The following SURF2 variants were observed in gnomAD, a reference collection of about 807,000 sequenced individuals.
The protein encoded by SURF2 is surfeit locus protein 2.
Under a neutral mutation model 26.2 loss-of-function variants are expected in SURF2, and 32 were observed. That is an observed-to-expected ratio of 1.22 (90% CI 0.92 to 1.64). The LOEUF (loss-of-function observed/expected upper bound fraction) is 1.64. SURF2 is among the 40% of genes most tolerant of loss of function. SURF2 has a pLI of 0.00. For synonymous variants in SURF2, 173 were observed against 139.1 expected (o/e 1.24, Z -1.71); for missense variants, 415 against 341.6 (o/e 1.21, Z -1.69).
In SURF2 at chr9:133,359,949, G is replaced by A. The variant is rs1160289308; in HGVS notation, c.338-1G>A. 2 of 1,607,456 alleles carry A rather than the reference G, an allele frequency of 1.2e-6. No homozygotes were observed. Among genetic ancestry groups the A allele is most frequent in the Non-Finnish European group, 1.7e-6 (2 of 1,176,318 alleles). On this transcript the variant is annotated splice_acceptor_variant, in intron 3 of 5. Transcript: ENST00000371964. LOFTEE classifies it high-confidence loss of function. The stretch of plus-strand genomic sequence containing the variant: ...CCAGCACGTGCTGGCTTATCTCCCA[G>A]ATGAAGAATGTCAGAAGCAAGGGGT...
Position 133,359,988 on chromosome 9 carries a change from G to C in SURF2, c.376G>C (p.Ala126Pro). Residue 126 changes from alanine (A) to proline (P), a missense_variant, in exon 4 of 6, where the codon GCC becomes CCC. Physicochemically the swap from Ala to Pro is conservative, Grantham distance 27. Transcript: ENST00000371964. ...CQKQGVEYVP[A>P]CLVHRRRRRE... ...GAAGCAAGGGGTGGAGTACGTGCCT[G>C]CCTGCCTGGTGCACCGGAGGAGGAG... The C allele has an allele frequency of 6.2e-7, 1 of 1,613,858 alleles. No homozygotes were observed. The highest frequency in any genetic ancestry group is 8.5e-7 in the Non-Finnish European group (1 of 1,179,826).
intron 2 of SURF2, chr9:133,357,277 G>A: frequency 3.5e-6 from 2 of 571,836 alleles, no homozygotes; most frequent in Non-Finnish European, 5.9e-6. Context: ...GTGGGGTGTG[G>A]CTGCTTCCCA....
In SURF2 at chr9:133,360,004, G is replaced by A. The variant is rs149969130; in HGVS notation, c.392G>A (p.Arg131Gln). Residue 131 changes from arginine to glutamine, a missense_variant, in exon 4 of 6, where the codon CGG becomes CAG. Arg to Gln is a conservative substitution (Grantham distance 43). Coordinates refer to ENST00000371964, the MANE Select transcript of SURF2 (RefSeq NM_017503.5). ...TACGTGCCTGCCTGCCTGGTGCACC[G>A]GAGGAGGAGGAGGGAGGACCAGATG... is the stretch of plus-strand genomic sequence containing the variant. ...VEYVPACLVH[R>Q]RRRREDQMDG... The A allele has an allele frequency of 1.2e-5, 19 of 1,602,648 alleles. No homozygotes were observed. Among genetic ancestry groups the A allele is most frequent in the Middle Eastern group, 1.7e-4 (1 of 6,018 alleles).
At position 133,360,419 on chromosome 9, in the gene SURF2, C is replaced by A; in HGVS notation, c.672C>A (p.Val224=). 1 of 1,609,390 alleles carries A rather than the reference C, an allele frequency of 6.2e-7. No homozygotes were observed. ...RRETTVYRGL[V]QKRGKKQLGS... ...AGACGACCGTGTACCGAGGGCTGGT[C>A]CAGAAGCGCGGGAAGGTGAGCTGTC... Residue 224 remains valine, a synonymous_variant, in exon 5 of 6, where the codon GTC becomes GTA. Transcript: ENST00000371964.
chr9:133,356,670 G>T lies in SURF2; in HGVS notation c.78G>T (p.Lys26Asn), dbSNP rs2130029473. ...TGCGGCTCCAGACGGACGCCCGCAA[G>T]GTTCGCAGCGCGGGAGGGGAACGGA... ...PSLRLQTDAR[K>N]VRCILTGHEL... The change falls in exon 1 of 6, where the codon AAG becomes AAT. Residue 26 changes from lysine (K) to asparagine (N), a missense_variant and splice_region_variant. Coordinates refer to ENST00000371964, the MANE Select transcript of SURF2 (RefSeq NM_017503.5). 1 of 1,515,464 alleles carries T rather than the reference G, an allele frequency of 6.6e-7. No individual in the cohort carries two copies. The highest frequency in any genetic ancestry group is 8.8e-7 in the Non-Finnish European group (1 of 1,138,494). The allele number at this position is 1,515,464 out of a possible 1,614,324, so 93.9% of individuals were successfully genotyped here.
intron 3 of SURF2, among the ~76,000 whole-genome samples, chr9:133,358,139 A>C (rs1328454481): frequency 6.6e-6 from 1 of 152,098 alleles, no homozygotes; most frequent in East Asian, 1.9e-4. Flanking sequence ...CTCGAGGCTG[A>C]GGCTGGAGGG....
Position 133,357,705 on chromosome 9 carries a change from C to G in SURF2, c.234-6C>G. ...TCCCTACAAATTTGGTCTCTCTGCT[C>G]TGTAGGCACCAGTTGTTCTGCAAAC... On this transcript the variant is annotated splice_polypyrimidine_tract_variant and splice_region_variant and intron_variant, in intron 2 of 5. Transcript: ENST00000371964. 6.2e-7 allele frequency: 1 copy of G among 1,613,670 alleles called. No individual in the cohort carries two copies. The highest frequency in any genetic ancestry group is 1.1e-5 in the South Asian group (1 of 91,082).
chr9:133,359,837 C>CAGGGCGGT (rs1836705918), intron 3 of SURF2, 113 bp from the exon 4 acceptor site: 1 of 1,291,238 alleles, frequency 7.7e-7, no homozygotes, highest in African/African-American at 1.5e-5. Context: ...GGTTTTTGTC[C>CAGGGCGGT]AGGGCGGTGG....
chr9:133,360,052 G>C lies in SURF2; in HGVS notation c.440G>C (p.Arg147Pro), dbSNP rs2130047027. ...DQMDGDGPRP[R>P]EAFWEPTSSD... ...ATGGACGGTGACGGGCCTCGCCCGC[G>C]GGAAGCCTTCTGGGAGCCCACATCC... Residue 147 changes from arginine to proline, a missense_variant, in exon 4 of 6, where the codon CGG becomes CCG. Arg to Pro is a moderately radical substitution (Grantham distance 103). Transcript: ENST00000371964. 6.2e-7 allele frequency: 1 copy of C among 1,614,032 alleles called. No individual in the cohort carries two copies. Among genetic ancestry groups the C allele is most frequent in the Admixed American group, 1.7e-5 (1 of 60,016 alleles).
chr9:133,357,179 C>T, intron 2 of SURF2, 111 bp downstream of exon 2: 1 of 1,335,230 alleles, frequency 7.5e-7, no homozygotes, highest in Non-Finnish European at 9.8e-7. Flanking sequence ...GCCCTGGGAC[C>T]CAGGTGGGCG....
intron 2 of SURF2, 63 bp from the exon 3 acceptor site, chr9:133,357,648 C>A: frequency 6.6e-7 from 1 of 1,523,004 alleles, no homozygotes; most frequent in South Asian, 1.1e-5. Context: ...GTCCAAGACA[C>A]AGCCACCAGT....
In SURF2 at chr9:133,361,100, C is replaced by T; in HGVS notation, c.732C>T (p.Arg244=). ...SLKKKFKSHH[R]KPKSFSSCKQ... is the part of the protein sequence containing the mutation. ...AAAAGAAGTTCAAGAGTCATCACCG[C>T]AAACCCAAGAGCTTCAGCTCCTGTA... Residue 244 remains arginine (R), a synonymous_variant, in exon 6 of 6, where the codon CGC becomes CGT. Coordinates refer to ENST00000371964, the MANE Select transcript of SURF2 (RefSeq NM_017503.5). 1 of 1,614,198 alleles carries T rather than the reference C, an allele frequency of 6.2e-7. No individual in the cohort carries two copies. The highest frequency in any genetic ancestry group is 8.5e-7 in the Non-Finnish European group (1 of 1,180,020).
Position 133,361,070 on chromosome 9 carries a change from G to C in SURF2, c.702G>C (p.Ser234=). Reference sequence around the variant, plus strand: ...TTATCCCACAGAAGCAGTTGGGCTCGTTGAAAAAGAAGTTCAAGAGTCATC... The same window carrying C: ...TTATCCCACAGAAGCAGTTGGGCTCCTTGAAAAAGAAGTTCAAGAGTCATC... ...VQKRGKKQLG[S]LKKKFKSHHR... is the part of the protein sequence containing the mutation. Residue 234 remains serine (S), a synonymous_variant, in exon 6 of 6, where the codon TCG becomes TCC. Coordinates refer to ENST00000371964, the MANE Select transcript of SURF2 (RefSeq NM_017503.5). 1 of 1,614,120 alleles carries C rather than the reference G, an allele frequency of 6.2e-7. No individual in the cohort carries two copies. The highest frequency in any genetic ancestry group is 8.5e-7 in the Non-Finnish European group (1 of 1,180,000).
chr9:133,360,420 C>T lies in SURF2; in HGVS notation c.673C>T (p.Gln225Ter), dbSNP rs1653688021. ...RETTVYRGLV[Q>*]KRGKKQLGSL... The stretch of plus-strand genomic sequence containing the variant: ...GACGACCGTGTACCGAGGGCTGGTC[C>T]AGAAGCGCGGGAAGGTGAGCTGTCA... Residue 225 changes from glutamine to a stop codon, truncating the protein, a stop_gained, in exon 5 of 6, where the codon CAG becomes TAG. Transcript: ENST00000371964. LOFTEE classifies it low-confidence loss of function (END_TRUNC). The T allele has an allele frequency of 3.7e-6, 6 of 1,609,256 alleles. No homozygotes were observed. Among genetic ancestry groups the T allele is most frequent in the Non-Finnish European group, 5.1e-6 (6 of 1,179,306 alleles).
In SURF2 at chr9:133,357,694, GTC is replaced by G. The variant is rs2130035500; in HGVS notation, c.234-11_234-10del. 12 of 1,612,668 alleles carry G rather than the reference GTC, an allele frequency of 7.4e-6. No individual in the cohort carries two copies. In the Middle Eastern group the frequency reaches 4.9e-4, roughly 66 times the overall value. ...GCTGTGAACTGTCCCTACAAATTTG[GTC>G]TCTCTGCTCTGTAGGCACCAGTTGT... On this transcript the variant is annotated splice_polypyrimidine_tract_variant and intron_variant, in intron 2 of 5. Coordinates refer to ENST00000371964, the MANE Select transcript of SURF2 (RefSeq NM_017503.5).
At chr9:133,357,097 C>T in intron 2 of SURF2, 29 bp downstream of exon 2, 1 of 1,529,114 alleles carries the variant, frequency 6.5e-7, no homozygotes, top group Non-Finnish European at 8.8e-7. Context: ...CGCGGGGAGG[C>T]CCAGGGCAAT....
rs2130045202 is a variant in SURF2 at position 133,359,931 on chromosome 9, G to A, written c.338-19G>A. On this transcript the variant is annotated intron_variant, in intron 3 of 5. Transcript: ENST00000371964. ...TGGGGGGTGTGGAGGTACCCAGCAC[G>A]TGCTGGCTTATCTCCCAGATGAAGA... The A allele has an allele frequency of 2.3e-5, 36 of 1,595,420 alleles. No homozygotes were observed. Among genetic ancestry groups the A allele is most frequent in the Middle Eastern group, 1.7e-4 (1 of 5,948 alleles).
chr9:133,360,068 G>A lies in SURF2; in HGVS notation c.456G>A (p.Glu152=). The A allele has an allele frequency of 6.2e-7, 1 of 1,614,030 alleles. No individual in the cohort carries two copies. Among genetic ancestry groups the A allele is most frequent in the Non-Finnish European group, 8.5e-7 (1 of 1,179,954 alleles). The change falls in exon 4 of 6, where the codon GAG becomes GAA. Residue 152 remains glutamate (E), a synonymous_variant. Coordinates refer to ENST00000371964, the MANE Select transcript of SURF2 (RefSeq NM_017503.5). ...DGPRPREAFW[E]PTSSDEGGAA... The stretch of plus-strand genomic sequence containing the variant: ...CTCGCCCGCGGGAAGCCTTCTGGGA[G>A]CCCACATCCAGTGATGAGGGGGGAG...
chr9:133,356,960 A>C lies in SURF2; in HGVS notation c.125A>C (p.Glu42Ala), dbSNP rs2130031539. ...CACGAGCTGCCCTGCCGCCTGCCGGAGCTCCAGGTCTACACCCGCGGCAAA... is the reference window on the plus strand; with the variant it reads ...CACGAGCTGCCCTGCCGCCTGCCGGCGCTCCAGGTCTACACCCGCGGCAAA... ...TGHELPCRLP[E>A]LQVYTRGKKY... The change falls in exon 2 of 6, where the codon GAG becomes GCG. Residue 42 changes from glutamate (E) to alanine (A), a missense_variant. By Grantham distance (107) the Glu-to-Ala change is moderately radical (BLOSUM62 -1). Transcript: ENST00000371964. 6.4e-7 allele frequency: 1 copy of C among 1,569,100 alleles called. No homozygotes were observed. The highest frequency in any genetic ancestry group is 1.9e-5 in the Admixed American group (1 of 53,676).
Sources: allele counts gnomAD v4.1 joint callset (sites outside exome capture counted in the v4.1 genomes callset), GRCh38; gene constraint gnomAD v4.1.1; transcripts MANE v1.5; gene names NCBI Gene and HGNC (gene_info 2026-07-23, HGNC 2026-07-21).